Variants in ANKRD26 observed in about 807,000 individuals in gnomAD.
The protein encoded by ANKRD26 is ankyrin repeat domain 26.
ANKRD26 carries 141 observed loss-of-function variants against 208.7 expected under a neutral mutation model. The observed-to-expected ratio is 0.68, with a 90% CI of 0.59 to 0.78. The LOEUF is 0.78. Ranked by LOEUF, ANKRD26 falls within the 30% of genes least tolerant of loss-of-function variation. The pLI is 0.00. For missense variants in ANKRD26, 1,889 were observed against 1,938.7 expected, an observed-to-expected ratio of 0.97 and a Z score of 0.48; for synonymous variants, 636 against 660.4, an observed-to-expected ratio of 0.96 and a Z score of 0.57.
At chr10:26,969,280 G>T (rs1184920956), downstream of ANKRD26, among the ~76,000 whole-genome samples, 2 of 152,078 alleles carry the variant, frequency 1.3e-5, no homozygotes, top group Non-Finnish European at 2.9e-5. Context: ...AGGTTTTACT[G>T]GTCTTCCTGG....
At chr10:27,056,716 G>A (rs1248746182) in intron 15 of ANKRD26, among the ~76,000 whole-genome samples, 3 of 152,174 alleles carry the variant, frequency 2.0e-5, no homozygotes, top group Middle Eastern at 3.4e-3. Flanking sequence ...GGCAGAGGTT[G>A]TAGTGAGCTG....
intron 7 of ANKRD26, 55 bp from the exon 8 acceptor site, chr10:27,077,748 T>G: frequency 6.9e-7 from 1 of 1,446,914 alleles, no homozygotes; most frequent in Non-Finnish European, 9.6e-7. Context: ...TCAAATTTGA[T>G]AAAATAATCG....
chr10:27,068,173 C>T (rs778278761), intron 9 of ANKRD26, among the ~76,000 whole-genome samples: 3 of 152,120 alleles, frequency 2.0e-5, no homozygotes, highest in African/African-American at 7.2e-5. Context: ...AAGGGAGACA[C>T]CAGAGGAGAT....
chr10:27,038,583 G>T (rs375200028), intron 21 of ANKRD26, among the ~76,000 whole-genome samples: 1 of 151,630 alleles, frequency 6.6e-6, no homozygotes, highest in Non-Finnish European at 1.5e-5. Flanking sequence ...CCCGGGAGGC[G>T]GATGTTGCAG....
chr10:26,989,072 G>A (rs1463075316), downstream of ANKRD26, among the ~76,000 whole-genome samples: 1 of 151,944 alleles, frequency 6.6e-6, no homozygotes, highest in Non-Finnish European at 1.5e-5. Context: ...TTCTGAGAGG[G>A]TATTAATATC....
intron 23 of ANKRD26, 131 bp from the exon 24 acceptor site, chr10:27,035,883 A>G (rs1387781838): frequency 2.9e-6 from 2 of 700,264 alleles, no homozygotes; most frequent in African/African-American, 1.8e-5. Context: ...AATTGAAAAA[A>G]AAAAAGTTGG....
chr10:26,988,799 A>G (rs749052761), downstream of ANKRD26, among the ~76,000 whole-genome samples: 2 of 151,326 alleles, frequency 1.3e-5, no homozygotes, highest in East Asian at 3.9e-4. Context: ...TAGACCCAGC[A>G]TTTGGGAAGG....
At chr10:26,950,161 G>A in the ANKRD26 span, among the ~76,000 whole-genome samples, 4 of 152,162 alleles carry the variant, frequency 2.6e-5, no homozygotes, top group African/African-American at 7.2e-5. Flanking sequence ...TTGTGGGGAG[G>A]TGATTGGATC....
Position 27,035,514 on chromosome 10 carries a change from C to T in ANKRD26, c.2936G>A (p.Ser979Asn), listed in dbSNP as rs1283395905. ...QTISQYNGRLSVLTAENAMLN... is the reference protein window; with the variant it reads ...QTISQYNGRLNVLTAENAMLN... ...CATTGCATTCTCAGCTGTCAGAACA[C>T]TAAGCCGTCCATTATACTGGGATAT... The change falls in exon 24 of 34, where the codon AGT becomes AAT. Residue 979 changes from serine (S) to asparagine (N), a missense_variant. Coordinates refer to ENST00000376087, the MANE Select transcript of ANKRD26 (RefSeq NM_014915.3). 1.2e-6 allele frequency: 2 copies of T among 1,613,870 alleles called. No homozygotes were observed. The highest frequency in any genetic ancestry group is 1.7e-6 in the Non-Finnish European group (2 of 1,179,924).
At chr10:26,987,750 T>C (rs982036803), downstream of ANKRD26, among the ~76,000 whole-genome samples, 5 of 152,156 alleles carry the variant, frequency 3.3e-5, no homozygotes, top group Non-Finnish European at 5.9e-5. Flanking sequence ...AGTTAATCTA[T>C]TGACAGACAC....
chr10:26,985,507 T>C (rs569394877), intron 3 of ANKRD26, among the ~76,000 whole-genome samples: 1 of 152,310 alleles, frequency 6.6e-6, no homozygotes, highest in South Asian at 2.1e-4. Flanking sequence ...TTCTTCAACA[T>C]GTTTTTAAGT....
intron 7 of ANKRD26, 76 bp downstream of exon 7, chr10:27,079,013 C>T (rs1285102989): frequency 2.3e-6 from 3 of 1,313,328 alleles, no homozygotes; most frequent in African/African-American, 2.9e-5. Context: ...AAGTAGACCA[C>T]TGCAAAATTT....
At chr10:26,964,067 A>C in the ANKRD26 span, among the ~76,000 whole-genome samples, 1 of 150,220 alleles carries the variant, frequency 6.7e-6, no homozygotes, top group Admixed American at 6.6e-5. Context: ...GCGCACCACC[A>C]CACTGGCTAA....
chr10:27,093,580 C>T, intron 2 of ANKRD26, 58 bp from the exon 3 acceptor site: 1 of 1,603,566 alleles, frequency 6.2e-7, no homozygotes, highest in South Asian at 1.1e-5. Flanking sequence ...AATAAACACT[C>T]CACAGGTTTC....
At chr10:26,973,759 T>G (rs888491418), downstream of ANKRD26, among the ~76,000 whole-genome samples, 2 of 149,682 alleles carry the variant, frequency 1.3e-5, no homozygotes, top group Non-Finnish European at 3.0e-5. Flanking sequence ...GTTCAAGTGA[T>G]TCTGCTGCCT....
downstream of ANKRD26, among the ~76,000 whole-genome samples, chr10:26,986,964 T>G (rs572462853): frequency 6.6e-6 from 1 of 152,194 alleles, no homozygotes; most frequent in African/African-American, 2.4e-5. Context: ...CATGCTGCTA[T>G]AGAGACACAT....
intron 3 of ANKRD26, among the ~76,000 whole-genome samples, chr10:26,986,180 A>G (rs895333025): frequency 3.3e-5 from 5 of 152,230 alleles, no homozygotes; most frequent in African/African-American, 1.2e-4. Context: ...AAATGGGGAA[A>G]GGATTCCATA....
intron 12 of ANKRD26, among the ~76,000 whole-genome samples, chr10:27,063,301 A>G (rs138503289): frequency 1.3e-5 from 2 of 151,884 alleles, no homozygotes; most frequent in African/African-American, 4.8e-5. Flanking sequence ...CATTTTCTAA[A>G]GAATTATTTT....
At chr10:26,989,925 G>A (rs2052456061), downstream of ANKRD26, among the ~76,000 whole-genome samples, 1 of 152,100 alleles carries the variant, frequency 6.6e-6, no homozygotes, top group Non-Finnish European at 1.5e-5. Flanking sequence ...CACCAAGGGG[G>A]AAGTAAGCAA....
Sources: allele counts gnomAD v4.1 joint callset (sites outside exome capture counted in the v4.1 genomes callset), GRCh38; gene constraint gnomAD v4.1.1; transcripts MANE v1.5; gene names NCBI Gene and HGNC (gene_info 2026-07-23, HGNC 2026-07-21).